The following DNAJC3 variants were observed in gnomAD, a reference collection of about 807,000 sequenced individuals.
The protein encoded by DNAJC3 is DnaJ heat shock protein family (Hsp40) member C3, also known as dnaJ homolog subfamily C member 3.
DNAJC3 carries 38 observed loss-of-function variants against 68.6 expected under a neutral mutation model. The ratio of observed to expected loss-of-function variants is 0.55; its 90% confidence interval spans 0.43 to 0.73. The LOEUF (loss-of-function observed/expected upper bound fraction) is 0.73, where lower values mean the gene tolerates loss of function less well. Among genes scored for constraint, DNAJC3 ranks in the 30% least tolerant of loss-of-function variants. The pLI is 0.00. For synonymous variants in DNAJC3, 203 were observed against 204.0 expected, an observed-to-expected ratio of 1.00 and a Z score of 0.04; for missense variants, 526 against 591.9, an observed-to-expected ratio of 0.89 and a Z score of 1.16.
At chr13:95,713,478 A>G (rs996950950) in intron 2 of DNAJC3, among the ~76,000 whole-genome samples, 1 of 152,254 alleles carries the variant, frequency 6.6e-6, no homozygotes, top group Middle Eastern at 3.2e-3. Context: ...AGTTATAAGA[A>G]ACTTAAGAAA....
intron 1 of DNAJC3, among the ~76,000 whole-genome samples, chr13:95,690,699 G>A (rs1345212185): frequency 2.7e-5 from 4 of 147,460 alleles, no homozygotes; most frequent in Non-Finnish European, 6.0e-5. Flanking sequence ...CGGGGCGGCT[G>A]GCTGGGCAGA....
rs753764884 is a variant in DNAJC3 at position 95,791,053 on chromosome 13, T to TTAA, written c.*25_*27dup. 1.2e-6 allele frequency: 2 copies of TTAA among 1,602,452 alleles called. No individual in the cohort carries two copies. The highest frequency in any genetic ancestry group is 3.5e-5 in the Admixed American group (2 of 56,594). On this transcript the variant is annotated 3_prime_UTR_variant, in exon 12 of 12. Coordinates refer to ENST00000602402, the MANE Select transcript of DNAJC3 (RefSeq NM_006260.5). Reference sequence around the variant, plus strand: ...TAAACCAACTGTTTTTCTGCTCTTCTTAATTTTTTTAAAGATTAAAAACAA... The same window carrying TTAA: ...TAAACCAACTGTTTTTCTGCTCTTCTTAATAATTTTTTTAAAGATTAAAAACAA...
chr13:95,759,353 CT>C (rs1465791621), intron 5 of DNAJC3, among the ~76,000 whole-genome samples: 1 of 152,050 alleles, frequency 6.6e-6, no homozygotes, highest in Non-Finnish European at 1.5e-5. Flanking sequence ...TCTCTGTTAC[CT>C]AGACTGGAGT....
At chr13:95,779,924 T>A (rs1566514569) in intron 9 of DNAJC3, among the ~76,000 whole-genome samples, 1 of 151,776 alleles carries the variant, frequency 6.6e-6, no homozygotes, top group Non-Finnish European at 1.5e-5. Flanking sequence ...TTGTGCCAGT[T>A]AAAAAAAAAT....
rs1883880547 is a variant in DNAJC3, at chr13:95,793,967, G to A, written c.*2937G>A. On this transcript the variant is annotated 3_prime_UTR_variant, in exon 12 of 12. Coordinates refer to ENST00000602402, the MANE Select transcript of DNAJC3 (RefSeq NM_006260.5). The stretch of plus-strand genomic sequence containing the variant: ...ATTGTGAAAAGGTTCCAAAACGGGA[G>A]ACAAAATTTAATTCATTCCTCAGTT... The A allele has an allele frequency of 6.6e-6, 1 of 152,060 alleles. No homozygotes were observed. Among genetic ancestry groups the A allele is most frequent in the South Asian group, 2.1e-4 (1 of 4,826 alleles). The allele number at this position is 152,060 out of a possible 1,614,324, so 9.4% of individuals were successfully genotyped here.
chr13:95,697,296 A>G (rs1270197511), intron 1 of DNAJC3, among the ~76,000 whole-genome samples: 1 of 152,144 alleles, frequency 6.6e-6, no homozygotes, highest in Admixed American at 6.5e-5. Flanking sequence ...GTTTGGTAGG[A>G]TATAAAATTC....
intron 1 of DNAJC3, among the ~76,000 whole-genome samples, chr13:95,700,190 A>G (rs563101149): frequency 4.6e-5 from 7 of 152,236 alleles, no homozygotes; most frequent in African/African-American, 1.4e-4. Flanking sequence ...GGCTCAAGCA[A>G]TCCTCCCACT....
At chr13:95,697,651 G>A (rs1880478410) in intron 1 of DNAJC3, among the ~76,000 whole-genome samples, 1 of 151,896 alleles carries the variant, frequency 6.6e-6, no homozygotes, top group South Asian at 2.1e-4. Context: ...ATGCCTGTAA[G>A]TTGTAGGTTT....
intron 9 of DNAJC3, among the ~76,000 whole-genome samples, chr13:95,767,728 C>T (rs371813774): frequency 6.9e-6 from 1 of 144,438 alleles, no homozygotes; most frequent in Non-Finnish European, 1.5e-5. Flanking sequence ...CTTGCTCTGT[C>T]GCCCAGGCTG....
At chr13:95,712,921 A>T (rs886267300) in intron 2 of DNAJC3, among the ~76,000 whole-genome samples, 1 of 152,154 alleles carries the variant, frequency 6.6e-6, no homozygotes, top group Non-Finnish European at 1.5e-5. Flanking sequence ...TAATTTAATC[A>T]TGGGGGTGGT....
intron 2 of DNAJC3, among the ~76,000 whole-genome samples, chr13:95,718,476 G>T (rs531955490): frequency 6.6e-6 from 1 of 152,154 alleles, no homozygotes; most frequent in Non-Finnish European, 1.5e-5. Flanking sequence ...ATCTCAGCTC[G>T]CTGCAACCTC....
rs188859857 is a variant in DNAJC3, at chr13:95,756,504, A to G, written c.394-1140A>G. On this transcript the variant is annotated intron_variant, in intron 4 of 11. Coordinates refer to ENST00000602402, the MANE Select transcript of DNAJC3 (RefSeq NM_006260.5). ...CCTAAAACACAAAATGGACAAGTAT[A>G]AAACCCTTACCAAGAAATAATATTG... Among the ~76,000 whole-genome samples, 1,283 of 145,552 alleles carry G rather than the reference A, an allele frequency of 8.8e-3. 1 individual carries two copies. The highest frequency in any genetic ancestry group is 0.014 in the Non-Finnish European group (881 of 63,628).
intron 2 of DNAJC3, among the ~76,000 whole-genome samples, chr13:95,716,157 AAAAAAC>A (rs1881138047): frequency 1.3e-5 from 2 of 152,164 alleles, no homozygotes; most frequent in South Asian, 4.1e-4. Context: ...CTCTGCCTCA[AAAAAAC>A]AAAAACAAAA....
intron 9 of DNAJC3, among the ~76,000 whole-genome samples, chr13:95,773,782 G>GCC (rs1247781110): frequency 1.5e-5 from 2 of 136,654 alleles, no homozygotes; most frequent in African/African-American, 5.5e-5. Flanking sequence ...CTGTCGCCAG[G>GCC]CTGGAGTACA....
chr13:95,779,924 TAAAA>T, intron 9 of DNAJC3, among the ~76,000 whole-genome samples: 1 of 151,892 alleles, frequency 6.6e-6, no homozygotes, highest in East Asian at 1.9e-4. Flanking sequence ...TTGTGCCAGT[TAAAA>T]AAAAATTATT....
At chr13:95,720,800 T>C (rs906853444) in intron 2 of DNAJC3, among the ~76,000 whole-genome samples, 2 of 152,036 alleles carry the variant, frequency 1.3e-5, no homozygotes, top group Admixed American at 6.5e-5. Flanking sequence ...TATTTTTAGA[T>C]TTAAGAAAAA....
At chr13:95,763,504 A>G (rs1882883952) in intron 7 of DNAJC3, 139 bp from the exon 8 acceptor site, 3 of 702,422 alleles carry the variant, frequency 4.3e-6, no homozygotes, top group African/African-American at 1.8e-5. Context: ...CTAGATTAAT[A>G]AGGGAAAAGC....
chr13:95,780,343 C>T (rs1011580164), intron 9 of DNAJC3, among the ~76,000 whole-genome samples: 8 of 152,206 alleles, frequency 5.3e-5, no homozygotes, highest in South Asian at 2.1e-4. Flanking sequence ...TTCTTTACCT[C>T]TGTCTTGCCC....
intron 9 of DNAJC3, among the ~76,000 whole-genome samples, chr13:95,768,983 TTATCTATATCTA>T (rs67826872): frequency 0.042 from 6,211 of 148,212 alleles, 173 homozygotes; most frequent in African/African-American, 0.078. Flanking sequence ...CTCCAAAAAA[TTATCTATATCTA>T]TATCTATATC....
Sources: gnomAD v4.1 joint callset for allele counts (sites outside exome capture counted in the v4.1 genomes callset) on GRCh38, gnomAD v4.1.1 for gene constraint, MANE v1.5 for transcripts, NCBI Gene and HGNC (gene_info 2026-07-23, HGNC 2026-07-21) for gene names.